The following EXPH5 variants were observed in gnomAD, a reference collection of about 807,000 sequenced individuals.
The protein encoded by EXPH5 is exophilin-5.
A neutral mutation model predicts 41.1 loss-of-function variants in EXPH5; 42 were observed. That is an observed-to-expected ratio of 1.02 (90% CI 0.80 to 1.32). The LOEUF (loss-of-function observed/expected upper bound fraction) is 1.32. EXPH5 is among the 40% of genes most tolerant of loss of function. The pLI is 0.00. For synonymous variants in EXPH5, 798 were observed against 833.5 expected (o/e 0.96, Z 0.73); for missense variants, 2,298 against 2,314.5 (o/e 0.99, Z 0.15).
Position 108,510,484 on chromosome 11 carries a change from T to G in EXPH5, c.5023A>C (p.Ile1675Leu). The G allele has an allele frequency of 6.2e-7, 1 of 1,614,124 alleles. No individual in the cohort carries two copies. The highest frequency in any genetic ancestry group is 8.5e-7 in the Non-Finnish European group (1 of 1,180,036). The stretch of plus-strand genomic sequence containing the variant: ...GGTTCTCTGTTGGGTAGTACAGTAA[T>G]GGGGAGAAGGTTCTCGGATTTCTTC... ...HVKKSENLLP[I>L]TVLPNREPST... The change falls in exon 6 of 6, where the codon ATT becomes CTT. Residue 1675 changes from isoleucine (I) to leucine (L), a missense_variant. Transcript: ENST00000265843.
intron 1 of EXPH5, among the ~76,000 whole-genome samples, chr11:108,588,744 A>C (rs1736062544): frequency 6.6e-6 from 1 of 152,234 alleles, no homozygotes; most frequent in Non-Finnish European, 1.5e-5. Context: ...GGATAAAAAA[A>C]TATGAAAGAC....
At chr11:108,538,562 A>G (rs185601467) in intron 3 of EXPH5, among the ~76,000 whole-genome samples, 2 of 152,036 alleles carry the variant, frequency 1.3e-5, no homozygotes, top group Admixed American at 6.5e-5. Context: ...TTAGAATTCT[A>G]TTTTTCTCTA....
Position 108,564,091 on chromosome 11 carries a change from C to A in EXPH5, c.120-22279G>T, listed in dbSNP as rs577181460. 2.9e-4 allele frequency among the ~76,000 whole-genome samples: 44 copies of A among 152,026 alleles called. 1 individual carries two copies. The South Asian group carries it at 8.7e-3, about 30-fold the overall frequency. ...GGTCAGGAGTTCGAGGTCAGCCTGG[C>A]CAACATGGTGAAACCCTGTCTCTAC... On this transcript the variant is annotated intron_variant, in intron 1 of 5. Coordinates refer to ENST00000265843, the MANE Select transcript of EXPH5 (RefSeq NM_015065.3).
At chr11:108,518,398 T>C (rs765104986) in intron 4 of EXPH5, 25 bp from the exon 5 acceptor site, 68 of 1,609,700 alleles carry the variant, frequency 4.2e-5, no homozygotes, top group Non-Finnish European at 1.7e-5. Context: ...GAGAACACAA[T>C]ATTATTTCTG....
chr11:108,512,703 A>T lies in EXPH5; in HGVS notation c.2804T>A (p.Phe935Tyr). Residue 935 changes from phenylalanine to tyrosine, a missense_variant, in exon 6 of 6, where the codon TTT becomes TAT. By Grantham distance (22) the Phe-to-Tyr change is conservative. Coordinates refer to ENST00000265843, the MANE Select transcript of EXPH5 (RefSeq NM_015065.3). Reference protein sequence around the residue: ...DNAGKNQKNQFIVSHSENQER... With the variant: ...DNAGKNQKNQYIVSHSENQER... ...TTGGTTTTCTGAGTGGCTTACAATA[A>T]ACTGATTCTTTTGGTTCTTCCCAGC... 1 of 1,614,078 alleles carries T rather than the reference A, an allele frequency of 6.2e-7. No homozygotes were observed. The highest frequency in any genetic ancestry group is 1.6e-4 in the Middle Eastern group (1 of 6,062).
intron 1 of EXPH5, among the ~76,000 whole-genome samples, chr11:108,569,879 A>C (rs936952574): frequency 9.2e-5 from 14 of 152,220 alleles, no homozygotes; most frequent in Non-Finnish European, 1.5e-4. Context: ...AGGCACTGGC[A>C]GGAGGGTCTT....
Position 108,509,887 on chromosome 11 carries a change from G to T in EXPH5, c.5620C>A (p.Pro1874Thr). ...CTGTATATAGATATTGCAGACCTGGGACCTGTTTTTGTCCCGCTGCGATAA... is the reference window on the plus strand; with the variant it reads ...CTGTATATAGATATTGCAGACCTGGTACCTGTTTTTGTCCCGCTGCGATAA... Reference protein sequence around the residue: ...WAYRSGTKTGPRSAISIYRPI... With the variant: ...WAYRSGTKTGTRSAISIYRPI... Residue 1874 changes from proline to threonine, a missense_variant, in exon 6 of 6, where the codon CCC (proline) becomes ACC (threonine). Pro to Thr is a conservative substitution (Grantham distance 38). Transcript: ENST00000265843. 1 of 1,608,978 alleles carries T rather than the reference G, an allele frequency of 6.2e-7. No homozygotes were observed. Among genetic ancestry groups the T allele is most frequent in the Non-Finnish European group, 8.5e-7 (1 of 1,178,294 alleles).
upstream of EXPH5, among the ~76,000 whole-genome samples, chr11:108,594,452 T>C (rs993834191): frequency 6.6e-6 from 1 of 152,210 alleles, no homozygotes; most frequent in Non-Finnish European, 1.5e-5. Context: ...ACACATGCCA[T>C]TTAAAAATAC....
Position 108,510,106 on chromosome 11 carries a change from T to TA in EXPH5, c.5400dup (p.Asn1801Ter). On this transcript the variant is annotated frameshift_variant, in exon 6 of 6. Coordinates refer to ENST00000265843, the MANE Select transcript of EXPH5 (RefSeq NM_015065.3). LOFTEE classifies it high-confidence loss of function. ...TTTCGTAGTAGATCGCCATGAACAT[T>TA]AATGCTTTTTAAACTCTTTGAACGA... 1.2e-6 allele frequency: 2 copies of TA among 1,613,626 alleles called. No individual in the cohort carries two copies. Among genetic ancestry groups the TA allele is most frequent in the South Asian group, 1.1e-5 (1 of 90,960 alleles).
At position 108,512,075 on chromosome 11, in the gene EXPH5, G is replaced by A. The variant is rs547979885; in HGVS notation, c.3432C>T (p.Thr1144=). The A allele has an allele frequency of 1.2e-5, 19 of 1,612,148 alleles. No individual in the cohort carries two copies. Among genetic ancestry groups the A allele is most frequent in the African/African-American group, 9.3e-5 (7 of 74,916 alleles). ...TTAGCTCAGAAGCATCCATGCCTGAGGTCAATGGCTTTTTTCTTCCTTCTC... is the reference window on the plus strand; with the variant it reads ...TTAGCTCAGAAGCATCCATGCCTGAAGTCAATGGCTTTTTTCTTCCTTCTC... ...TGREGRKKPL[T]SGMDASELTP... is the part of the protein sequence containing the mutation. Residue 1144 remains threonine, a synonymous_variant, in exon 6 of 6, where the codon ACC becomes ACT. Transcript: ENST00000265843.
chr11:108,540,922 G>A (rs765637044), intron 2 of EXPH5, among the ~76,000 whole-genome samples: 7 of 146,884 alleles, frequency 4.8e-5, no homozygotes, highest in Non-Finnish European at 7.5e-5. Flanking sequence ...TTTTTTATTT[G>A]AGGTGCAGTC....
rs1214684820 is a variant in EXPH5 at position 108,510,895 on chromosome 11, T to G, written c.4612A>C (p.Arg1538=). 6.2e-7 allele frequency: 1 copy of G among 1,614,260 alleles called. No individual in the cohort carries two copies. The highest frequency in any genetic ancestry group is 1.3e-5 in the African/African-American group (1 of 75,068). ...PNLESLQSEP[R]ELPQRSQEAN... is the part of the protein sequence containing the mutation. Reference sequence around the variant, plus strand: ...TCCTGACTTCTTTGAGGTAATTCTCTTGGTTCAGACTGCAGACTCTCTAAG... The same window carrying G: ...TCCTGACTTCTTTGAGGTAATTCTCGTGGTTCAGACTGCAGACTCTCTAAG... The change falls in exon 6 of 6, where the codon AGA becomes CGA. Residue 1538 remains arginine (R), a synonymous_variant. Transcript: ENST00000265843.
chr11:108,539,215 A>G, intron 2 of EXPH5, 29 bp from the exon 3 acceptor site: 1 of 1,476,614 alleles, frequency 6.8e-7, no homozygotes, highest in Non-Finnish European at 9.3e-7. Flanking sequence ...AAAATTTTGC[A>G]TCAATTACTT....
At position 108,531,555 on chromosome 11, in the gene EXPH5, G is replaced by T. The variant is rs552644204; in HGVS notation, c.444-3371C>A. ...CTGCTCACATTCCACTCTTCCACAG[G>T]TACTCTAGACTTGTCAAATTAATTC... On this transcript the variant is annotated intron_variant, in intron 3 of 5. Transcript: ENST00000265843. 3.9e-5 allele frequency among the ~76,000 whole-genome samples: 6 copies of T among 152,194 alleles called. No individual in the cohort carries two copies. The South Asian group carries it at 8.3e-4, about 21-fold the overall frequency.
chr11:108,518,203 A>T, intron 5 of EXPH5, 32 bp downstream of exon 5: 1 of 1,597,150 alleles, frequency 6.3e-7, no homozygotes, highest in Non-Finnish European at 8.6e-7. Flanking sequence ...AGTTATCAGT[A>T]GTTGCAAAGG....
At chr11:108,568,622 T>C in intron 1 of EXPH5, among the ~76,000 whole-genome samples, 1 of 152,194 alleles carries the variant, frequency 6.6e-6, no homozygotes. Context: ...GAAGAGTTGA[T>C]GTCCTTTAGT....
intron 1 of EXPH5, among the ~76,000 whole-genome samples, chr11:108,588,374 A>G (rs2094119300): frequency 6.6e-6 from 1 of 152,212 alleles, no homozygotes; most frequent in Non-Finnish European, 1.5e-5. Flanking sequence ...TTTAAAGTGG[A>G]TAGATCCCAG....
intron 1 of EXPH5, among the ~76,000 whole-genome samples, chr11:108,542,370 T>C (rs534101870): frequency 2.6e-4 from 40 of 152,118 alleles, no homozygotes; most frequent in Non-Finnish European, 5.6e-4. Context: ...CTTGTAAATA[T>C]GATGGCAAAC....
At chr11:108,578,052 A>G (rs1488221103) in intron 1 of EXPH5, among the ~76,000 whole-genome samples, 5 of 152,156 alleles carry the variant, frequency 3.3e-5, no homozygotes, top group Non-Finnish European at 5.9e-5. Context: ...ATATAATCAC[A>G]TTTGTCAATT....
Sources: gnomAD v4.1 joint callset for allele counts (sites outside exome capture counted in the v4.1 genomes callset) on GRCh38, gnomAD v4.1.1 for gene constraint, MANE v1.5 for transcripts, NCBI Gene and HGNC (gene_info 2026-07-23, HGNC 2026-07-21) for gene names.